The following SCGB2B2 variants were observed in gnomAD, a reference collection of about 807,000 sequenced individuals.
The protein encoded by SCGB2B2 is secretoglobin family 2B member 2, also known as secretoglobin-like protein.
In SCGB2B2, 11 loss-of-function variants were observed where a neutral mutation model predicts 7.6. The observed-to-expected ratio is 1.45, with a 90% CI of 0.91 to 2.40. The LOEUF (loss-of-function observed/expected upper bound fraction) is 2.40, where lower values mean the gene tolerates loss of function less well. SCGB2B2 is among the 30% of genes most tolerant of loss of function. The pLI is 0.00. For synonymous variants in SCGB2B2, 50 were observed against 48.6 expected (o/e 1.03, Z -0.12); for missense variants, 104 against 115.4 (o/e 0.90, Z 0.45).
chr19:34,608,444 T>C (rs758355687), intron 1 of SCGB2B2, among the ~76,000 whole-genome samples: 4 of 150,976 alleles, frequency 2.6e-5, no homozygotes, highest in Non-Finnish European at 4.4e-5. Context: ...CCTTTGGCTA[T>C]AAACCCCTCT....
chr19:34,628,304 A>C (rs1223539344), intron 1 of SCGB2B2, among the ~76,000 whole-genome samples: 4 of 152,130 alleles, frequency 2.6e-5, no homozygotes, highest in African/African-American at 9.7e-5. Flanking sequence ...GACAAAAAAA[A>C]ACTCTTCAAA....
intron 1 of SCGB2B2, among the ~76,000 whole-genome samples, chr19:34,644,290 T>C (rs1354942184): frequency 6.6e-6 from 1 of 150,802 alleles, no homozygotes; most frequent in Non-Finnish European, 1.5e-5. Flanking sequence ...TGCCTCAGCC[T>C]CCCAAAGCAC....
chr19:34,638,475 C>T (rs1474373769), intron 1 of SCGB2B2, among the ~76,000 whole-genome samples: 4 of 151,266 alleles, frequency 2.6e-5, no homozygotes, highest in Admixed American at 2.6e-4. Flanking sequence ...ACCCATCCCC[C>T]CCCAAAAAAA....
At chr19:34,647,933 G>A (rs748903068) in intron 1 of SCGB2B2, among the ~76,000 whole-genome samples, 1 of 152,168 alleles carries the variant, frequency 6.6e-6, no homozygotes, top group Non-Finnish European at 1.5e-5. Flanking sequence ...TGAAGGTCTG[G>A]GGCAGAGAAT....
At chr19:34,660,743 A>G (rs534805867) in intron 1 of SCGB2B2, among the ~76,000 whole-genome samples, 1 of 152,336 alleles carries the variant, frequency 6.6e-6, no homozygotes, top group East Asian at 1.9e-4. Flanking sequence ...AGAACTAGAA[A>G]TACCATTTGA....
intron 1 of SCGB2B2, among the ~76,000 whole-genome samples, chr19:34,621,072 A>G (rs1423352340): frequency 6.6e-6 from 1 of 152,232 alleles, no homozygotes; most frequent in Non-Finnish European, 1.5e-5. Flanking sequence ...GAAAGATTAA[A>G]GTCGCATGAA....
intron 1 of SCGB2B2, among the ~76,000 whole-genome samples, chr19:34,630,828 G>A (rs375748433): frequency 4.6e-5 from 7 of 151,776 alleles, no homozygotes; most frequent in Non-Finnish European, 1.0e-4. Flanking sequence ...TGTTTATTGC[G>A]GCACTATTCA....
chr19:34,650,630 A>C (rs1284407755), intron 1 of SCGB2B2, among the ~76,000 whole-genome samples: 1 of 151,392 alleles, frequency 6.6e-6, no homozygotes, highest in Non-Finnish European at 1.5e-5. Context: ...CCTATCACAG[A>C]AAAGTCTAGA....
At chr19:34,664,009 G>C (rs2067541182) in intron 1 of SCGB2B2, among the ~76,000 whole-genome samples, 1 of 87,182 alleles carries the variant, frequency 1.1e-5, no homozygotes, top group Non-Finnish European at 2.1e-5. Flanking sequence ...CCTCTGCTAA[G>C]GGACTACTCC....
In SCGB2B2 at chr19:34,614,624, C is replaced by A. The variant is rs1036471570; in HGVS notation, c.-2031-18030G>T. ...TCATTTATTTCCTTTTCATTGATGT[C>A]TTTTACCAGCAAGTTATTATGTTCT... On this transcript the variant is annotated intron_variant, in intron 1 of 3. Coordinates refer to ENST00000601241, the MANE Select transcript of SCGB2B2 (RefSeq NM_001025591.4). Among the ~76,000 whole-genome samples, 17 of 152,232 alleles carry A rather than the reference C, an allele frequency of 1.1e-4. 1 individual carries two copies. Among genetic ancestry groups the A allele is most frequent in the African/African-American group, 3.6e-4 (15 of 41,558 alleles).
intron 1 of SCGB2B2, among the ~76,000 whole-genome samples, chr19:34,627,730 A>C (rs562406560): frequency 6.6e-6 from 1 of 152,328 alleles, no homozygotes; most frequent in South Asian, 2.1e-4. Context: ...AAAGTTAACA[A>C]GGATATCCAG....
At chr19:34,642,954 T>C (rs553210194) in intron 1 of SCGB2B2, among the ~76,000 whole-genome samples, 1 of 152,254 alleles carries the variant, frequency 6.6e-6, no homozygotes, top group South Asian at 2.1e-4. Flanking sequence ...TTAGATACTA[T>C]TGGTGGGAAT....
chr19:34,615,307 G>A (rs776067950), intron 1 of SCGB2B2, among the ~76,000 whole-genome samples: 28 of 152,176 alleles, frequency 1.8e-4, no homozygotes, highest in Non-Finnish European at 3.7e-4. Context: ...CTCCAGTGGT[G>A]AGGTCTGTGG....
At chr19:34,642,938 G>A (rs1285426496) in intron 1 of SCGB2B2, among the ~76,000 whole-genome samples, 2 of 152,152 alleles carry the variant, frequency 1.3e-5, no homozygotes, top group African/African-American at 2.4e-5. Flanking sequence ...GGAGAAAAAT[G>A]AACTCTTAGA....
intron 1 of SCGB2B2, among the ~76,000 whole-genome samples, chr19:34,626,524 T>TAAATG: frequency 6.6e-6 from 1 of 152,060 alleles, no homozygotes; most frequent in South Asian, 2.1e-4. Context: ...GAAGATCAAA[T>TAAATG]AAATGAAATG....
intron 1 of SCGB2B2, among the ~76,000 whole-genome samples, chr19:34,650,345 G>T (rs2067131547): frequency 6.6e-6 from 1 of 151,276 alleles, no homozygotes; most frequent in Non-Finnish European, 1.5e-5. Context: ...CTGCTCACCT[G>T]GCTGAGCCTG....
At chr19:34,611,202 C>T (rs887166418) in intron 1 of SCGB2B2, among the ~76,000 whole-genome samples, 1 of 133,758 alleles carries the variant, frequency 7.5e-6, no homozygotes, top group Non-Finnish European at 1.7e-5. Context: ...TTTACTTGTG[C>T]CTTTTTTCTT....
intron 1 of SCGB2B2, among the ~76,000 whole-genome samples, chr19:34,641,563 T>C (rs1262074828): frequency 2.0e-5 from 3 of 152,162 alleles, no homozygotes; most frequent in Admixed American, 6.5e-5. Flanking sequence ...GTTTTGGAAT[T>C]TGGTAGCGGA....
chr19:34,616,258 G>C (rs1270275), intron 1 of SCGB2B2, among the ~76,000 whole-genome samples: 82,410 of 147,930 alleles, frequency 0.56, 24,244 homozygotes, highest in African/African-American at 0.75. Flanking sequence ...CCTGAGGAAT[G>C]GCCACACTGA....
Sources: gnomAD v4.1 joint callset for allele counts (sites outside exome capture counted in the v4.1 genomes callset) on GRCh38, gnomAD v4.1.1 for gene constraint, MANE v1.5 for transcripts, NCBI Gene and HGNC (gene_info 2026-07-23, HGNC 2026-07-21) for gene names.